SYNDIG1: variants seen among roughly 807,000 people sequenced by gnomAD.
SYNDIG1 encodes the protein synapse differentiation inducing 1.
In SYNDIG1, 9 loss-of-function variants were observed where a neutral mutation model predicts 19.4. The observed-to-expected ratio is 0.46, with a 90% CI of 0.28 to 0.81. SYNDIG1 has a LOEUF of 0.81. Ranked by LOEUF, SYNDIG1 falls within the 30% of genes least tolerant of loss-of-function variation. The pLI is 0.12. For synonymous variants in SYNDIG1, 141 were observed against 145.9 expected, an observed-to-expected ratio of 0.97 and a Z score of 0.24; for missense variants, 311 against 343.3, an observed-to-expected ratio of 0.91 and a Z score of 0.74.
intron 3 of SYNDIG1, among the ~76,000 whole-genome samples, chr20:24,617,155 G>A (rs2058948326): frequency 6.6e-6 from 1 of 152,130 alleles, no homozygotes; most frequent in African/African-American, 2.4e-5. Context: ...GGCCGCCTGG[G>A]TGCTGTCCCC....
chr20:24,635,624 G>A (rs2147319735), intron 3 of SYNDIG1, among the ~76,000 whole-genome samples: 1 of 152,318 alleles, frequency 6.6e-6, no homozygotes, highest in South Asian at 2.1e-4. Context: ...GACTAAAGGA[G>A]TACCTTTTTA....
chr20:24,476,585 G>T (rs1269475120), intron 1 of SYNDIG1, among the ~76,000 whole-genome samples: 2 of 151,936 alleles, frequency 1.3e-5, no homozygotes, highest in Non-Finnish European at 2.9e-5. Context: ...CAGGAGAATG[G>T]CGTGAACCTG....
At chr20:24,590,035 G>C (rs903176232) in intron 3 of SYNDIG1, among the ~76,000 whole-genome samples, 1 of 152,224 alleles carries the variant, frequency 6.6e-6, no homozygotes, top group African/African-American at 2.4e-5. Context: ...TCTCTTCCTT[G>C]CAATGTCAGC....
intron 3 of SYNDIG1, among the ~76,000 whole-genome samples, chr20:24,585,969 C>G (rs1399490453): frequency 2.0e-5 from 3 of 152,210 alleles, no homozygotes; most frequent in Admixed American, 1.3e-4. Flanking sequence ...AACAGATTTC[C>G]TGGCTGAGCC....
At chr20:24,503,962 T>G (rs1217280785) in intron 1 of SYNDIG1, among the ~76,000 whole-genome samples, 12 of 149,152 alleles carry the variant, frequency 8.0e-5, no homozygotes. Context: ...GCAGGTTTTT[T>G]TTTTTTTTTT....
At chr20:24,533,046 C>G (rs141692995) in intron 1 of SYNDIG1, among the ~76,000 whole-genome samples, 11 of 151,996 alleles carry the variant, frequency 7.2e-5, no homozygotes, top group Non-Finnish European at 1.6e-4. Flanking sequence ...GGAGAGAATC[C>G]GTCTTTTAGG....
At chr20:24,579,162 TAC>T (rs1468802871) in intron 2 of SYNDIG1, among the ~76,000 whole-genome samples, 13 of 152,238 alleles carry the variant, frequency 8.5e-5, no homozygotes, top group African/African-American at 3.1e-4. Context: ...ATGGAAAGAA[TAC>T]ACTGGCCTGG....
At chr20:24,580,658 C>G (rs1292559908) in intron 2 of SYNDIG1, among the ~76,000 whole-genome samples, 1 of 152,130 alleles carries the variant, frequency 6.6e-6, no homozygotes, top group Non-Finnish European at 1.5e-5. Flanking sequence ...ATCCTTCCAC[C>G]TCAGCCTCCC....
chr20:24,665,621 C>T lies in SYNDIG1; in HGVS notation c.*117C>T. ...GATTGCCAAATGATGCCACGAAGCC[C>T]TGGGATTTCCTACCCATGGATTTAT... On this transcript the variant is annotated 3_prime_UTR_variant, in exon 4 of 4. Transcript: ENST00000376862. 3 of 1,403,710 alleles carry T rather than the reference C, an allele frequency of 2.1e-6. No individual in the cohort carries two copies. The highest frequency in any genetic ancestry group is 2.9e-6 in the Non-Finnish European group (3 of 1,031,852). The allele number at this position is 1,403,710 out of a possible 1,614,324, so 87.0% of individuals were successfully genotyped here. A position where few individuals can be genotyped will look rare whatever the true frequency, so the allele number is the denominator to read the frequency against.
At chr20:24,562,362 C>A (rs576961850) in intron 2 of SYNDIG1, among the ~76,000 whole-genome samples, 2 of 152,228 alleles carry the variant, frequency 1.3e-5, no homozygotes, top group South Asian at 2.1e-4. Flanking sequence ...AAAATGAAAT[C>A]AAAAATATTT....
chr20:24,541,276 A>G (rs148285245), intron 1 of SYNDIG1, among the ~76,000 whole-genome samples: 90 of 152,374 alleles, frequency 5.9e-4, no homozygotes, highest in African/African-American at 2.0e-3. Flanking sequence ...TATGTAGAAT[A>G]TAAAACTTGT....
chr20:24,521,303 T>A (rs1357245926), intron 1 of SYNDIG1, among the ~76,000 whole-genome samples: 1 of 152,072 alleles, frequency 6.6e-6, no homozygotes, highest in African/African-American at 2.4e-5. Context: ...TGTGTTGGAG[T>A]CACTGCTTTC....
intron 3 of SYNDIG1, among the ~76,000 whole-genome samples, chr20:24,660,957 C>T (rs988961750): frequency 3.9e-5 from 6 of 152,216 alleles, no homozygotes; most frequent in African/African-American, 9.6e-5. Context: ...GTCACCCGCC[C>T]GCAGTGCTGG....
chr20:24,623,468 C>T (rs1600770786), intron 3 of SYNDIG1, among the ~76,000 whole-genome samples: 1 of 152,022 alleles, frequency 6.6e-6, no homozygotes, highest in East Asian at 1.9e-4. Context: ...AAAAAAAGTA[C>T]AGCAAAAAAG....
At chr20:24,661,433 GGAAGGAA>G (rs2059590306) in intron 3 of SYNDIG1, among the ~76,000 whole-genome samples, 2 of 136,432 alleles carry the variant, frequency 1.5e-5, no homozygotes, top group Non-Finnish European at 1.6e-5. Context: ...GAAGGAGGGA[GGAAGGAA>G]GGAGGAAAGA....
chr20:24,498,366 TAGTGTATATTATA>T (rs1180802493), intron 1 of SYNDIG1, among the ~76,000 whole-genome samples: 1 of 152,200 alleles, frequency 6.6e-6, no homozygotes, highest in African/African-American at 2.4e-5. Context: ...GTATATTATA[TAGTGTATATTATA>T]AGTGTATATT....
intron 3 of SYNDIG1, among the ~76,000 whole-genome samples, chr20:24,592,793 G>C (rs150497707): frequency 5.3e-5 from 8 of 152,170 alleles, no homozygotes; most frequent in African/African-American, 1.9e-4. Flanking sequence ...TCAATATTTT[G>C]TAGAGATGGG....
chr20:24,512,150 T>TATATATATATAC (rs1568598856), intron 1 of SYNDIG1, among the ~76,000 whole-genome samples: 3 of 118,536 alleles, frequency 2.5e-5, no homozygotes, highest in African/African-American at 6.5e-5. Context: ...TATATATATA[T>TATATATATATAC]ATATGCAGTG....
intron 2 of SYNDIG1, among the ~76,000 whole-genome samples, chr20:24,580,346 G>A (rs2058301223): frequency 6.6e-6 from 1 of 152,116 alleles, no homozygotes; most frequent in Non-Finnish European, 1.5e-5. Context: ...TGGCAGAAGA[G>A]GAACAAAGAA....
Sources: gnomAD v4.1 joint callset for allele counts (sites outside exome capture counted in the v4.1 genomes callset) on GRCh38, gnomAD v4.1.1 for gene constraint, MANE v1.5 for transcripts, NCBI Gene and HGNC (gene_info 2026-07-23, HGNC 2026-07-21) for gene names.